ZNHIT6: variants seen among roughly 807,000 people sequenced by gnomAD.
ZNHIT6 encodes the protein zinc finger HIT-type containing 6.
ZNHIT6 carries 45 observed loss-of-function variants against 57.2 expected under a neutral mutation model. The ratio of observed to expected loss-of-function variants is 0.79; its 90% CI spans 0.62 to 1.01. ZNHIT6 has a LOEUF of 1.01. ZNHIT6 is among the 50% of genes least tolerant of loss of function. The probability of loss-of-function intolerance (pLI) is 0.00; values close to 1 mark genes in which losing one functional copy is unlikely to be tolerated. For missense variants in ZNHIT6, 528 were observed against 567.3 expected (o/e 0.93, Z 0.70); for synonymous variants, 188 against 190.0 (o/e 0.99, Z 0.09).
rs528700427 is a variant in ZNHIT6 at position 85,661,993 on chromosome 1, G to A, written c.1248-4022C>T. Among the ~76,000 whole-genome samples, 8 of 152,156 alleles carry A rather than the reference G, an allele frequency of 5.3e-5. No homozygotes were observed. The South Asian group carries it at 8.3e-4, about 16-fold the overall frequency. ...CATGGGCGCATTATGAGGGCAGAAC[G>A]GCTCAGTGGGCCAAACAGGTGTTAC... On this transcript the variant is annotated intron_variant, in intron 8 of 9. Transcript: ENST00000370574.
intron 4 of ZNHIT6, among the ~76,000 whole-genome samples, chr1:85,704,131 G>A (rs992152725): frequency 6.6e-6 from 1 of 152,154 alleles, no homozygotes; most frequent in African/African-American, 2.4e-5. Flanking sequence ...ACTAAGTATT[G>A]GCGAGAATAT....
chr1:85,690,322 A>G (rs956810285), intron 5 of ZNHIT6, among the ~76,000 whole-genome samples: 3 of 152,178 alleles, frequency 2.0e-5, no homozygotes, highest in African/African-American at 7.2e-5. Flanking sequence ...GTTTTTAGGC[A>G]CACCAAATTA....
chr1:85,659,970 T>C (rs1177007352), intron 8 of ZNHIT6, among the ~76,000 whole-genome samples: 1 of 152,178 alleles, frequency 6.6e-6, no homozygotes, highest in East Asian at 1.9e-4. Flanking sequence ...TGCCCACAGA[T>C]CATAGAATTC....
chr1:85,687,601 T>C (rs1662099901), intron 5 of ZNHIT6, among the ~76,000 whole-genome samples: 1 of 152,190 alleles, frequency 6.6e-6, no homozygotes, highest in South Asian at 2.1e-4. Context: ...ACTCTCCTAA[T>C]AAGTGTTTCC....
At chr1:85,702,126 T>A (rs2100719407) in intron 5 of ZNHIT6, 31 bp downstream of exon 5, 1 of 1,414,020 alleles carries the variant, frequency 7.1e-7, no homozygotes, top group Non-Finnish European at 9.9e-7. Flanking sequence ...CAAATCAGAA[T>A]ACCTGATATA....
At position 85,708,430 on chromosome 1, in the gene ZNHIT6, G is replaced by A; in HGVS notation, c.-146C>T. 2 of 1,019,716 alleles carry A rather than the reference G, an allele frequency of 2.0e-6. No individual in the cohort carries two copies. The highest frequency in any genetic ancestry group is 1.7e-5 in the South Asian group (1 of 59,232). 63.2% of individuals were successfully genotyped at this position (1,019,716 alleles called of 1,614,324 possible). A position where few individuals can be genotyped will look rare whatever the true frequency, so the allele number is the denominator to read the frequency against. ...AAACCCGGAATAGCCTGCTTGACGC[G>A]ACTGCTCGAATCGCCGTAAAGCTAC... On this transcript the variant is annotated 5_prime_UTR_variant, in exon 1 of 10. Coordinates refer to ENST00000370574, the MANE Select transcript of ZNHIT6 (RefSeq NM_017953.4).
At position 85,708,206 on chromosome 1, in the gene ZNHIT6, C is replaced by A; in HGVS notation, c.79G>T (p.Glu27Ter). Residue 27 changes from glutamate (E) to a stop codon, truncating the protein, a stop_gained, in exon 1 of 10, where the codon GAG becomes TAG. Transcript: ENST00000370574. LOFTEE classifies it high-confidence loss of function. The stretch of plus-strand genomic sequence containing the variant: ...TCCCTTACTCCCTCCCTGCCAGGCT[C>A]TGGACTTAGCCGCACCCCCTCAGCT... ...SVAEGVRLSP[E>*]PGREGVRDLA... 6.2e-7 allele frequency: 1 copy of A among 1,614,134 alleles called. No individual in the cohort carries two copies. Among genetic ancestry groups the A allele is most frequent in the Non-Finnish European group, 8.5e-7 (1 of 1,179,998 alleles).
intron 5 of ZNHIT6, among the ~76,000 whole-genome samples, chr1:85,685,656 A>T (rs995471051): frequency 2.6e-5 from 4 of 151,050 alleles, no homozygotes; most frequent in Non-Finnish European, 5.9e-5. Context: ...GGTTTGCTGC[A>T]GCCCTGACTT....
chr1:85,692,064 G>T (rs552176459), intron 5 of ZNHIT6, among the ~76,000 whole-genome samples: 4 of 152,148 alleles, frequency 2.6e-5, no homozygotes, highest in Non-Finnish European at 5.9e-5. Context: ...AGCTTCTCAG[G>T]AGGCTGAGGC....
intron 5 of ZNHIT6, among the ~76,000 whole-genome samples, chr1:85,701,929 A>C (rs954575694): frequency 9.0e-6 from 1 of 110,810 alleles, no homozygotes; most frequent in Non-Finnish European, 1.9e-5. Context: ...GAAGCTTCTC[A>C]AATGATATGA....
chr1:85,681,211 G>A (rs1291504097), intron 5 of ZNHIT6, among the ~76,000 whole-genome samples: 2 of 152,144 alleles, frequency 1.3e-5, no homozygotes, highest in East Asian at 1.9e-4. Context: ...TAAATACAAT[G>A]AGCTGATGTC....
chr1:85,682,738 A>G (rs1408795456), intron 5 of ZNHIT6, among the ~76,000 whole-genome samples: 3 of 152,344 alleles, frequency 2.0e-5, no homozygotes, highest in East Asian at 3.9e-4. Flanking sequence ...AAACAAAGAA[A>G]AACAGAATAA....
intron 5 of ZNHIT6, among the ~76,000 whole-genome samples, chr1:85,694,455 A>G (rs1662303069): frequency 8.1e-6 from 1 of 124,160 alleles, no homozygotes; most frequent in African/African-American, 3.1e-5. Flanking sequence ...TATGTTTCAA[A>G]TTTTTCGTTT....
At position 85,708,357 on chromosome 1, in the gene ZNHIT6, A is replaced by G. The variant is rs1662759362; in HGVS notation, c.-73T>C. 2.0e-6 allele frequency: 3 copies of G among 1,510,602 alleles called. No homozygotes were observed. The South Asian group carries it at 3.9e-5, about 19-fold the overall frequency. 93.6% of individuals were successfully genotyped at this position (1,510,602 alleles called of 1,614,324 possible). On this transcript the variant is annotated 5_prime_UTR_variant, in exon 1 of 10. Transcript: ENST00000370574. Reference sequence around the variant, plus strand: ...CTGCTGCACACCAATAGGAGGAATTACCGGTCGGAATACCTACGGCGGCCC... The same window carrying G: ...CTGCTGCACACCAATAGGAGGAATTGCCGGTCGGAATACCTACGGCGGCCC...
intron 5 of ZNHIT6, among the ~76,000 whole-genome samples, chr1:85,684,600 A>G (rs1252372124): frequency 6.6e-6 from 1 of 152,220 alleles, no homozygotes; most frequent in Non-Finnish European, 1.5e-5. Flanking sequence ...TTAAATGAGG[A>G]AAATAAATAT....
chr1:85,670,802 T>C (rs1661536156), intron 8 of ZNHIT6, among the ~76,000 whole-genome samples: 1 of 152,178 alleles, frequency 6.6e-6, no homozygotes, highest in African/African-American at 2.4e-5. Flanking sequence ...TGGATGTCAA[T>C]TACACAAGGT....
chr1:85,704,792 C>A (rs1362625915), intron 4 of ZNHIT6, among the ~76,000 whole-genome samples: 1 of 152,096 alleles, frequency 6.6e-6, no homozygotes, highest in Non-Finnish European at 1.5e-5. Context: ...AATTCTGCAA[C>A]TCCAATACTA....
At chr1:85,703,505 A>G (rs1461758107) in intron 4 of ZNHIT6, among the ~76,000 whole-genome samples, 1 of 152,208 alleles carries the variant, frequency 6.6e-6, no homozygotes, top group African/African-American at 2.4e-5. Flanking sequence ...GGATGCTGAT[A>G]TATGACAAAG....
At chr1:85,697,376 A>T (rs1422774084) in intron 5 of ZNHIT6, among the ~76,000 whole-genome samples, 1 of 152,122 alleles carries the variant, frequency 6.6e-6, no homozygotes, top group East Asian at 1.9e-4. Flanking sequence ...AAATTATGAA[A>T]ATATTCCAGT....
Sources: allele counts gnomAD v4.1 joint callset (sites outside exome capture counted in the v4.1 genomes callset), GRCh38; gene constraint gnomAD v4.1.1; transcripts MANE v1.5; gene names NCBI Gene and HGNC (gene_info 2026-07-23, HGNC 2026-07-21).